Variants in NLGN1 observed in about 807,000 individuals in gnomAD.
The protein encoded by NLGN1 is neuroligin 1, also known as neuroligin-1.
NLGN1 carries 12 observed loss-of-function variants against 65.5 expected under a neutral mutation model. The ratio of observed to expected loss-of-function variants is 0.18; its 90% CI spans 0.12 to 0.30. NLGN1 has a LOEUF of 0.30. Ranked by LOEUF, NLGN1 falls within the 10% of genes least tolerant of loss-of-function variation. The probability of loss-of-function intolerance (pLI) is 1.00; values close to 1 mark genes in which losing one functional copy is unlikely to be tolerated. For synonymous variants in NLGN1, 350 were observed against 359.5 expected, an observed-to-expected ratio of 0.97 and a Z score of 0.30; for missense variants, 750 against 1,007.1, an observed-to-expected ratio of 0.74 and a Z score of 3.46.
chr3:173,843,764 T>C (rs536946666), intron 4 of NLGN1, among the ~76,000 whole-genome samples: 4 of 152,180 alleles, frequency 2.6e-5, no homozygotes, highest in African/African-American at 9.6e-5. Context: ...TTCCAAACTT[T>C]TGCACATTTT....
At chr3:173,754,007 CTT>C (rs1776707358) in intron 3 of NLGN1, among the ~76,000 whole-genome samples, 1 of 127,406 alleles carries the variant, frequency 7.8e-6, no homozygotes, top group African/African-American at 2.9e-5. Flanking sequence ...CTTTTTTTTT[CTT>C]TATTTCTTTC....
chr3:173,780,767 TTATTA>T (rs1780999824), intron 3 of NLGN1, among the ~76,000 whole-genome samples: 1 of 152,186 alleles, frequency 6.6e-6, no homozygotes. Context: ...TTTACTTGAT[TTATTA>T]TATGTTAAAC....
chr3:173,960,765 A>G (rs925773951), intron 4 of NLGN1, among the ~76,000 whole-genome samples: 1 of 148,780 alleles, frequency 6.7e-6, no homozygotes, highest in South Asian at 2.1e-4. Flanking sequence ...AAGACAACTT[A>G]TTTTTTTTTT....
chr3:174,047,264 C>G (rs374272640), intron 4 of NLGN1, among the ~76,000 whole-genome samples: 1 of 151,894 alleles, frequency 6.6e-6, no homozygotes, highest in South Asian at 2.1e-4. Context: ...TTTCTATTTT[C>G]CACAAGTTAG....
chr3:173,539,875 CTTAT>C (rs1738505548), intron 2 of NLGN1, among the ~76,000 whole-genome samples: 1 of 112,864 alleles, frequency 8.9e-6, no homozygotes, highest in East Asian at 7.5e-4. Flanking sequence ...TTATATATAT[CTTAT>C]ATATATGTTA....
At chr3:173,622,892 A>G (rs1754229075) in intron 3 of NLGN1, among the ~76,000 whole-genome samples, 1 of 152,152 alleles carries the variant, frequency 6.6e-6, no homozygotes, top group African/African-American at 2.4e-5. Flanking sequence ...ACAAGTTGCC[A>G]TACTTCCTGC....
chr3:173,954,809 A>G (rs1481951525), intron 4 of NLGN1, among the ~76,000 whole-genome samples: 1 of 152,190 alleles, frequency 6.6e-6, no homozygotes, highest in African/African-American at 2.4e-5. Context: ...CAACATAAAC[A>G]TACATATATA....
At chr3:173,839,682 A>G (rs1028320540) in intron 4 of NLGN1, among the ~76,000 whole-genome samples, 24 of 152,234 alleles carry the variant, frequency 1.6e-4, no homozygotes, top group South Asian at 6.2e-4. Flanking sequence ...CTGCCTCCCA[A>G]AGTGCTGGGA....
At chr3:173,487,480 A>C (rs1445610295) in intron 2 of NLGN1, among the ~76,000 whole-genome samples, 1 of 152,008 alleles carries the variant, frequency 6.6e-6, no homozygotes, top group African/African-American at 2.4e-5. Flanking sequence ...TCTATTAAGT[A>C]ATATTATCTT....
chr3:174,015,686 T>A (rs1220438873), intron 4 of NLGN1, among the ~76,000 whole-genome samples: 2 of 152,186 alleles, frequency 1.3e-5, no homozygotes, highest in African/African-American at 2.4e-5. Flanking sequence ...AATTCCCCCA[T>A]TTTTTACAAT....
At chr3:174,281,455 ATGAAT>A (rs1751532676) in exon 7 of NLGN1, 3 of 610,546 alleles carry the variant, frequency 4.9e-6, no homozygotes, top group South Asian at 4.4e-5. Context: ...TTTGAAAAAA[ATGAAT>A]TGTATATATA....
intron 4 of NLGN1, among the ~76,000 whole-genome samples, chr3:174,186,905 T>G (rs1455096503): frequency 6.6e-6 from 1 of 151,854 alleles, no homozygotes; most frequent in African/African-American, 2.4e-5. Flanking sequence ...CAATTATCCC[T>G]CCATATCTGA....
At chr3:174,192,207 G>C (rs1732531594) in intron 4 of NLGN1, among the ~76,000 whole-genome samples, 1 of 152,006 alleles carries the variant, frequency 6.6e-6, no homozygotes, top group Non-Finnish European at 1.5e-5. Context: ...AAGGCATGCT[G>C]TAATGAGATT....
At chr3:173,396,714 T>A (rs1477680218), upstream of NLGN1, 1 of 152,236 alleles carries the variant, frequency 6.6e-6, no homozygotes, top group East Asian at 1.9e-4. Flanking sequence ...GCTTCCTGCG[T>A]CCGCCGAGCT....
chr3:173,583,598 C>G (rs1045082226), intron 2 of NLGN1, among the ~76,000 whole-genome samples: 1 of 152,236 alleles, frequency 6.6e-6, no homozygotes, highest in African/African-American at 2.4e-5. Context: ...CTCTAGTTTA[C>G]TAGGCCCAAT....
chr3:173,857,037 G>T (rs899390089), intron 4 of NLGN1, among the ~76,000 whole-genome samples: 1 of 151,096 alleles, frequency 6.6e-6, no homozygotes, highest in Non-Finnish European at 1.5e-5. Flanking sequence ...AAAAAAAAGA[G>T]GCATGAATAA....
intron 4 of NLGN1, among the ~76,000 whole-genome samples, chr3:174,047,940 G>A (rs530468081): frequency 9.9e-5 from 15 of 151,980 alleles, no homozygotes; most frequent in Non-Finnish European, 1.6e-4. Context: ...GATGTTCTGC[G>A]ATCTTAAGCA....
chr3:174,229,713 C>T (rs368299886), intron 4 of NLGN1, among the ~76,000 whole-genome samples: 8 of 152,242 alleles, frequency 5.3e-5, no homozygotes, highest in South Asian at 4.2e-4. Context: ...AGTTTTAATT[C>T]GGAATAAAGC....
chr3:174,113,978 T>A (rs966706907), intron 4 of NLGN1, among the ~76,000 whole-genome samples: 4 of 152,122 alleles, frequency 2.6e-5, no homozygotes, highest in Non-Finnish European at 4.4e-5. Flanking sequence ...ACAGCAGTAG[T>A]AGGAACCACT....
Sources: gnomAD v4.1 joint callset for allele counts (sites outside exome capture counted in the v4.1 genomes callset) on GRCh38, gnomAD v4.1.1 for gene constraint, MANE v1.5 for transcripts, NCBI Gene and HGNC (gene_info 2026-07-23, HGNC 2026-07-21) for gene names.